The following MYO15B variants were observed in gnomAD, a reference collection of about 807,000 sequenced individuals.
MYO15B encodes the protein myosin XVB, also known as myosin XVB pseudogene.
A neutral mutation model predicts 119.3 loss-of-function variants in MYO15B; 207 were observed. The ratio of observed to expected loss-of-function variants is 1.73; its 90% CI spans 1.55 to 1.95. The LOEUF (loss-of-function observed/expected upper bound fraction) is 1.95. MYO15B is among the 30% of genes most tolerant of loss of function. The probability of loss-of-function intolerance (pLI) is 0.00; values close to 1 mark genes in which losing one functional copy is unlikely to be tolerated. For synonymous variants in MYO15B, 966 were observed against 498.9 expected (o/e 1.94, Z -12.48); for missense variants, 2,264 against 1,203.1 (o/e 1.88, Z -13.04).
rs1382049589 is a variant in MYO15B at position 75,625,258 on chromosome 17, G to A, written c.8804+20G>A. On this transcript the variant is annotated intron_variant, in intron 60 of 63. Coordinates refer to ENST00000645453, the Ensembl canonical transcript of MYO15B. Reference sequence around the variant, plus strand: ...CTCAGGGTGAGTGGAGGCACCTCCCGCCCCTAAGCCCCTCCCCTTCTCTAA... The same window carrying A: ...CTCAGGGTGAGTGGAGGCACCTCCCACCCCTAAGCCCCTCCCCTTCTCTAA... The A allele has an allele frequency of 4.0e-5, 27 of 677,964 alleles. No homozygotes were observed. Among genetic ancestry groups the A allele is most frequent in the Non-Finnish European group, 5.4e-5 (20 of 370,488 alleles). The allele number at this position is 677,964 out of a possible 1,614,324, so 42.0% of individuals were successfully genotyped here.
At chr17:75,596,975 C>T (rs1260949445) in intron 14 of MYO15B, 76 bp downstream of exon 14, 1 of 625,456 alleles carries the variant, frequency 1.6e-6, no homozygotes, top group Non-Finnish European at 2.9e-6. Context: ...CTGTAGCTGG[C>T]AGAGCCTCCC....
chr17:75,605,134 T>C (rs1801326880), intron 19 of MYO15B, among the ~76,000 whole-genome samples: 1 of 139,568 alleles, frequency 7.2e-6, no homozygotes, highest in Non-Finnish European at 1.5e-5. Flanking sequence ...TGAAACTCTG[T>C]CTCAAAAAAA....
In MYO15B at chr17:75,616,159, TG is replaced by T. The variant is rs1389352979; in HGVS notation, c.6109+16del. On this transcript the variant is annotated intron_variant, in intron 37 of 63. Coordinates refer to ENST00000645453, the Ensembl canonical transcript of MYO15B. The stretch of plus-strand genomic sequence containing the variant: ...TTTCCAGAGGATGGGTGAGGGCACT[TG>T]GGGTGGCAGGACCGTGCAGAAACAT... 3 of 562,920 alleles carry T rather than the reference TG, an allele frequency of 5.3e-6. No homozygotes were observed. The South Asian group carries it at 7.3e-5, about 14-fold the overall frequency. 34.9% of individuals were successfully genotyped at this position (562,920 alleles called of 1,614,324 possible).
Position 75,625,105 on chromosome 17 carries a change from A to G in MYO15B, c.8689-18A>G, listed in dbSNP as rs772323437. 4.0e-5 allele frequency: 27 copies of G among 680,756 alleles called. No homozygotes were observed. In the Middle Eastern group the frequency reaches 1.4e-3, roughly 35 times the overall value. 42.2% of individuals were successfully genotyped at this position (680,756 alleles called of 1,614,324 possible). Reference sequence around the variant, plus strand: ...GCTTTGGACCACCGCTGCCCTCCTCACCGTGCTCCCCGCACAGGTGCTGTG... The same window carrying G: ...GCTTTGGACCACCGCTGCCCTCCTCGCCGTGCTCCCCGCACAGGTGCTGTG... On this transcript the variant is annotated intron_variant, in intron 59 of 63. Coordinates refer to ENST00000645453, the Ensembl canonical transcript of MYO15B.
intron 19 of MYO15B, among the ~76,000 whole-genome samples, chr17:75,603,690 T>G (rs1598786878): frequency 3.2e-5 from 3 of 94,532 alleles, no homozygotes; most frequent in South Asian, 3.1e-4. Flanking sequence ...GGGGACGGAG[T>G]GAGAAAAGAG....
Position 75,591,985 on chromosome 17 carries a change from T to C in MYO15B, c.2556T>C (p.Asp852=), listed in dbSNP as rs760292941. 3.1e-5 allele frequency: 22 copies of C among 702,408 alleles called. 1 individual carries two copies. The highest frequency in any genetic ancestry group is 2.8e-4 in the South Asian group (19 of 67,598). The allele number at this position is 702,408 out of a possible 1,614,324, so 43.5% of individuals were successfully genotyped here. The change falls in exon 6 of 64, where the codon GAT becomes GAC. Residue 852 remains aspartate (D), a synonymous_variant. Transcript: ENST00000645453. ...CACCCCTCCCTGTACAGGTGGAGGA[T>C]ATGCTGCCTATACTCAGCAGCTTTG...
Position 75,614,735 on chromosome 17 carries a change from C to T in MYO15B, c.5483-38C>T, listed in dbSNP as rs751595495. ...TTGGCAGAGCATGGGAAGCCCCACG[C>T]CCCGGGCCATGGCTCCAACCCTCTC... On this transcript the variant is annotated intron_variant, in intron 31 of 63. Transcript: ENST00000645453. The T allele has an allele frequency of 1.7e-4, 122 of 702,762 alleles. No individual in the cohort carries two copies. In the African/African-American group the frequency reaches 1.9e-3, roughly 11 times the overall value. 43.5% of individuals were successfully genotyped at this position (702,762 alleles called of 1,614,324 possible).
chr17:75,590,376 GAAGGGGCAGGT>G (rs2056359889), intron 1 of MYO15B, 133 bp downstream of exon 1: 1 of 398,266 alleles, frequency 2.5e-6, no homozygotes, highest in Non-Finnish European at 4.4e-6. Flanking sequence ...CTCCTGGCAG[GAAGGGGCAGGT>G]AAGGGGCAAC....
intron 52 of MYO15B, 35 bp from the exon 53 acceptor site, chr17:75,621,969 C>G: frequency 1.4e-6 from 1 of 702,356 alleles, no homozygotes; most frequent in South Asian, 1.5e-5. Context: ...CAGCACAGCC[C>G]CAGCTATGTG....
chr17:75,623,609 G>A (rs2058831108), intron 53 of MYO15B, among the ~76,000 whole-genome samples, 172 bp from the exon 54 acceptor site: 1 of 152,226 alleles, frequency 6.6e-6, no homozygotes, highest in African/African-American at 2.4e-5. Flanking sequence ...GTGACAGAGG[G>A]AGACGGGAGC....
At position 75,625,118 on chromosome 17, in the gene MYO15B, C is replaced by A; in HGVS notation, c.8689-5C>A. Reference sequence around the variant, plus strand: ...GCTGCCCTCCTCACCGTGCTCCCCGCACAGGTGCTGTGGGACTACCTTCAG... The same window carrying A: ...GCTGCCCTCCTCACCGTGCTCCCCGAACAGGTGCTGTGGGACTACCTTCAG... On this transcript the variant is annotated splice_region_variant and splice_polypyrimidine_tract_variant and intron_variant, in intron 59 of 63. Transcript: ENST00000645453. 1.4e-6 allele frequency: 1 copy of A among 692,992 alleles called. No homozygotes were observed. 42.9% of individuals were successfully genotyped at this position (692,992 alleles called of 1,614,324 possible). A position where few individuals can be genotyped will look rare whatever the true frequency, so the allele number is the denominator to read the frequency against.
intron 21 of MYO15B, among the ~76,000 whole-genome samples, chr17:75,607,910 A>G (rs2057760858): frequency 6.6e-6 from 1 of 152,170 alleles, no homozygotes; most frequent in Admixed American, 6.6e-5. Context: ...TCTACCAGCA[A>G]TGTACAAGGG....
exon 52 of MYO15B, chr17:75,621,543 A>C: frequency 1.4e-6 from 1 of 702,032 alleles, no homozygotes; most frequent in East Asian, 2.7e-5. Flanking sequence ...TGATGATGTG[A>C]GCAAGCTGGC....
rs2058188687 is a variant in MYO15B at position 75,613,857 on chromosome 17, C to T, written c.5219+80C>T. On this transcript the variant is annotated intron_variant, in intron 29 of 63. Transcript: ENST00000645453. Reference sequence around the variant, plus strand: ...CCTCCTCCTTCTCCAAGCCCAGTCTCAGGGGCCGGGAGGAGAGGTGCCCCG... The same window carrying T: ...CCTCCTCCTTCTCCAAGCCCAGTCTTAGGGGCCGGGAGGAGAGGTGCCCCG... The T allele has an allele frequency of 6.4e-6, 4 of 629,458 alleles. 1 individual carries two copies. In the Admixed American group the frequency reaches 7.4e-5, roughly 12 times the overall value. 39.0% of individuals were successfully genotyped at this position (629,458 alleles called of 1,614,324 possible). A position where few individuals can be genotyped will look rare whatever the true frequency, so the allele number is the denominator to read the frequency against.
At chr17:75,616,949 C>T (rs1303913763) in exon 40 of MYO15B, 1 of 702,880 alleles carries the variant, frequency 1.4e-6, no homozygotes, top group Non-Finnish European at 2.6e-6. Flanking sequence ...ACGGTGCCCA[C>T]TCGTCCCCGC....
chr17:75,624,411 G>T, exon 57 of MYO15B: 1 of 702,558 alleles, frequency 1.4e-6, no homozygotes. Context: ...ACCTGCCGGG[G>T]GGTGTGGATT....
chr17:75,587,871 G>A (rs919080046), exon 1 of MYO15B, among the ~76,000 whole-genome samples: 2 of 152,270 alleles, frequency 1.3e-5, no homozygotes, highest in Admixed American at 6.5e-5. Flanking sequence ...GGCCGAGGGG[G>A]TCAGGACCCG....
At chr17:75,612,490 T>C (rs1019537652) in intron 25 of MYO15B, among the ~76,000 whole-genome samples, 7 of 152,034 alleles carry the variant, frequency 4.6e-5, no homozygotes, top group African/African-American at 7.2e-5. Flanking sequence ...CTGGCCAACA[T>C]GGTGAAACCC....
exon 5 of MYO15B, chr17:75,591,623 A>C (rs946165941): frequency 1.3e-5 from 9 of 702,738 alleles, no homozygotes; most frequent in African/African-American, 1.2e-4. Flanking sequence ...CAGTGGGCAC[A>C]GTGGCTCAGG....
Sources: gnomAD v4.1 joint callset for allele counts (sites outside exome capture counted in the v4.1 genomes callset) on GRCh38, gnomAD v4.1.1 for gene constraint, MANE v1.5 for transcripts, NCBI Gene and HGNC (gene_info 2026-07-23, HGNC 2026-07-21) for gene names.